Variants in SEMA5B observed in about 807,000 individuals in gnomAD.
SEMA5B encodes the protein semaphorin-5B.
Under a neutral mutation model 135.0 loss-of-function variants are expected in SEMA5B, and 66 were observed. That is an observed-to-expected ratio of 0.49 (90% CI 0.40 to 0.60). The LOEUF is 0.60. Among genes scored for constraint, SEMA5B ranks in the 20% least tolerant of loss-of-function variants. The pLI is 0.00. For synonymous variants in SEMA5B, 690 were observed against 639.5 expected (o/e 1.08, Z -1.19); for missense variants, 1,501 against 1,566.3 (o/e 0.96, Z 0.70).
chr3:122,984,142 C>T (rs1034412918), intron 1 of SEMA5B, among the ~76,000 whole-genome samples: 1 of 152,258 alleles, frequency 6.6e-6, no homozygotes, highest in Non-Finnish European at 1.5e-5. Context: ...TTCTTCTCTT[C>T]TCCTTCACTG....
At chr3:122,943,591 C>T in intron 3 of SEMA5B, 56 bp from the exon 4 acceptor site, 1 of 1,294,840 alleles carries the variant, frequency 7.7e-7, no homozygotes, top group Non-Finnish European at 1.1e-6. Flanking sequence ...CTCCCAGCTG[C>T]ATCGCAGCAG....
At chr3:122,914,316 C>T (rs965618583) in intron 14 of SEMA5B, among the ~76,000 whole-genome samples, 2 of 152,216 alleles carry the variant, frequency 1.3e-5, no homozygotes, top group African/African-American at 4.8e-5. Context: ...AGGCCCTAGT[C>T]CCCTTTCCAG....
intron 1 of SEMA5B, among the ~76,000 whole-genome samples, chr3:122,988,822 A>G (rs1351977431): frequency 6.6e-6 from 1 of 152,246 alleles, no homozygotes; most frequent in Admixed American, 6.5e-5. Context: ...GTCCTCCTCG[A>G]GACTGGGAGC....
intron 1 of SEMA5B, among the ~76,000 whole-genome samples, chr3:123,022,036 A>G (rs1304674138): frequency 6.6e-6 from 1 of 152,084 alleles, no homozygotes; most frequent in African/African-American, 2.4e-5. Flanking sequence ...TCAACGAGCC[A>G]CTCCTGGAAA....
chr3:123,026,897 G>A (rs2107858957), intron 1 of SEMA5B, among the ~76,000 whole-genome samples: 1 of 152,360 alleles, frequency 6.6e-6, no homozygotes, highest in Middle Eastern at 3.4e-3. Context: ...CCGCAGGCCT[G>A]GTCAGGGCAA....
intron 5 of SEMA5B, among the ~76,000 whole-genome samples, chr3:122,932,243 ATTTTTTTT>A (rs71136597): frequency 4.0e-4 from 34 of 85,390 alleles, no homozygotes; most frequent in Middle Eastern, 6.6e-3. Context: ...TCTCAATATG[ATTTTTTTT>A]TTTTTTTTTT....
chr3:122,916,374 T>C (rs950592800), intron 12 of SEMA5B, among the ~76,000 whole-genome samples: 7 of 152,230 alleles, frequency 4.6e-5, no homozygotes, highest in Admixed American at 4.6e-4. Context: ...CAACCCTGGC[T>C]GCACATTAGA....
At chr3:122,999,740 G>C (rs1233911142) in intron 1 of SEMA5B, among the ~76,000 whole-genome samples, 1 of 152,170 alleles carries the variant, frequency 6.6e-6, no homozygotes, top group Non-Finnish European at 1.5e-5. Flanking sequence ...CCAGCATCTG[G>C]TTCCACGCTG....
At chr3:122,959,887 TTTA>T (rs1468321165) in intron 2 of SEMA5B, among the ~76,000 whole-genome samples, 2 of 152,200 alleles carry the variant, frequency 1.3e-5, no homozygotes, top group African/African-American at 4.8e-5. Flanking sequence ...TCTGTAATGT[TTTA>T]TTGTTTTTGC....
intron 1 of SEMA5B, among the ~76,000 whole-genome samples, chr3:123,011,037 A>T (rs1942428960): frequency 6.6e-6 from 1 of 152,114 alleles, no homozygotes; most frequent in Non-Finnish European, 1.5e-5. Flanking sequence ...TCTCAAGTGG[A>T]TAGGCCCAAA....
intron 1 of SEMA5B, among the ~76,000 whole-genome samples, chr3:123,017,629 C>T (rs549523449): frequency 3.9e-5 from 6 of 152,214 alleles, no homozygotes; most frequent in Non-Finnish European, 8.8e-5. Context: ...ACAGGTTGGC[C>T]AGGCGCAGTG....
intron 2 of SEMA5B, among the ~76,000 whole-genome samples, chr3:122,959,670 G>A (rs764271135): frequency 6.6e-6 from 1 of 152,160 alleles, no homozygotes; most frequent in Non-Finnish European, 1.5e-5. Flanking sequence ...ACATGTGGAG[G>A]AAGATGGACC....
At chr3:122,975,920 C>T (rs73856781) in intron 1 of SEMA5B, 1 of 1,508,898 alleles carries the variant, frequency 6.6e-7, no homozygotes, top group Non-Finnish European at 8.9e-7. Context: ...CTCCTGCCCC[C>T]TCTCTGGCCA....
chr3:122,939,700 C>T (rs886849884), intron 4 of SEMA5B, among the ~76,000 whole-genome samples: 2 of 152,156 alleles, frequency 1.3e-5, no homozygotes, highest in Non-Finnish European at 2.9e-5. Flanking sequence ...GGTAAATGGC[C>T]CAAGTCACCA....
chr3:122,981,865 G>A (rs1348890084), intron 1 of SEMA5B, among the ~76,000 whole-genome samples: 1 of 152,228 alleles, frequency 6.6e-6, no homozygotes, highest in Non-Finnish European at 1.5e-5. Flanking sequence ...AGGATCTGGT[G>A]TGACACGGAT....
intron 5 of SEMA5B, among the ~76,000 whole-genome samples, chr3:122,930,974 C>T (rs929405421): frequency 6.6e-6 from 1 of 152,014 alleles, no homozygotes; most frequent in African/African-American, 2.4e-5. Flanking sequence ...AGGCCATATG[C>T]CCCCAAAAAA....
At chr3:122,946,957 C>T (rs536653805) in intron 3 of SEMA5B, among the ~76,000 whole-genome samples, 1 of 152,206 alleles carries the variant, frequency 6.6e-6, no homozygotes, top group Admixed American at 6.5e-5. Flanking sequence ...ACCTCTCTGA[C>T]TTCCTCCCCC....
intron 1 of SEMA5B, among the ~76,000 whole-genome samples, chr3:122,984,545 C>T (rs1941636519): frequency 6.6e-6 from 1 of 152,154 alleles, no homozygotes; most frequent in Non-Finnish European, 1.5e-5. Context: ...TCTGCTCCAA[C>T]AAAAACCCAC....
chr3:122,910,337 G>A (rs759391338), intron 22 of SEMA5B, 36 bp from the exon 23 acceptor site: 1 of 1,609,310 alleles, frequency 6.2e-7, no homozygotes, highest in South Asian at 1.1e-5. Flanking sequence ...AAAGGGGTGA[G>A]GGAACACACA....
Sources: allele counts gnomAD v4.1 joint callset (sites outside exome capture counted in the v4.1 genomes callset), GRCh38; gene constraint gnomAD v4.1.1; transcripts MANE v1.5; gene names NCBI Gene and HGNC (gene_info 2026-07-23, HGNC 2026-07-21).